Variants in CLUAP1 observed in about 807,000 individuals in gnomAD.
CLUAP1 encodes the protein intraflagellar transport 38.
A neutral mutation model predicts 55.0 loss-of-function variants in CLUAP1; 50 were observed. The ratio of observed to expected loss-of-function variants is 0.91; its 90% CI spans 0.72 to 1.15. CLUAP1 has a LOEUF of 1.15. Among genes scored for constraint, CLUAP1 ranks in the 50% most tolerant of loss-of-function variants. CLUAP1 has a pLI of 0.00. For synonymous variants in CLUAP1, 195 were observed against 175.4 expected, an observed-to-expected ratio of 1.11 and a Z score of -0.88; for missense variants, 530 against 507.6, an observed-to-expected ratio of 1.04 and a Z score of -0.42.
chr16:3,527,979 G>A (rs903502874), intron 9 of CLUAP1, among the ~76,000 whole-genome samples: 11 of 152,236 alleles, frequency 7.2e-5, no homozygotes, highest in African/African-American at 2.4e-4. Flanking sequence ...CAGTCTCCAC[G>A]TCTTCGTGGT....
At chr16:3,533,177 ATG>A in intron 11 of CLUAP1, 1 of 1,533,102 alleles carries the variant, frequency 6.5e-7, no homozygotes, top group Non-Finnish European at 8.7e-7. Context: ...GTTCTGCCTC[ATG>A]TGTTTGTGGG....
chr16:3,500,835 T>C (rs1265583149), upstream of CLUAP1: 13 of 573,044 alleles, frequency 2.3e-5, no homozygotes, highest in Non-Finnish European at 4.0e-5. Context: ...GCAGCCCTCA[T>C]AGACGCCGGT....
chr16:3,501,084 T>G lies in CLUAP1; in HGVS notation c.17T>G (p.Leu6Arg), dbSNP rs534333509. Reference protein sequence around the residue: MSFRDLRNFTEMMRAL... With the variant: MSFRDRRNFTEMMRAL... ...CTGAGCGTTATGTCTTTCCGCGACCTCCGCAGTAAGGCAGCCCCGCGCCCC... is the reference window on the plus strand; with the variant it reads ...CTGAGCGTTATGTCTTTCCGCGACCGCCGCAGTAAGGCAGCCCCGCGCCCC... Residue 6 changes from leucine (L) to arginine (R), a missense_variant, in exon 1 of 12, where the codon CTC (leucine) becomes CGC (arginine). Transcript: ENST00000576634. 2.3e-5 allele frequency: 37 copies of G among 1,597,384 alleles called. No homozygotes were observed. In the East Asian group the frequency reaches 5.4e-4, roughly 23 times the overall value.
intron 8 of CLUAP1, among the ~76,000 whole-genome samples, chr16:3,524,109 G>A (rs1347165857): frequency 6.6e-6 from 1 of 151,404 alleles, no homozygotes; most frequent in Non-Finnish European, 1.5e-5. Context: ...GACCAGTTTG[G>A]GCAGCATAAT....
chr16:3,520,013 A>G lies in CLUAP1; in HGVS notation c.690A>G (p.Arg230=). 6.2e-7 allele frequency: 1 copy of G among 1,612,932 alleles called. No individual in the cohort carries two copies. The highest frequency in any genetic ancestry group is 1.3e-5 in the African/African-American group (1 of 74,902). Residue 230 remains arginine, a synonymous_variant, in exon 7 of 12, where the codon CGA becomes CGG. Transcript: ENST00000576634. ...TAGAACTGGAAAGAAATCGGAAGCG[A>G]CTAGAGACTCTGCAGAGTGTCAGGT... is the stretch of plus-strand genomic sequence containing the variant. ...RKLELERNRK[R]LETLQSVRPC...
chr16:3,530,452 C>A (rs1015289425), intron 9 of CLUAP1, 116 bp from the exon 10 acceptor site: 1 of 716,650 alleles, frequency 1.4e-6, no homozygotes, highest in Non-Finnish European at 2.5e-6. Context: ...GTCTTAATTT[C>A]CTGGATAGAA....
At chr16:3,529,592 T>A (rs1294932179) in intron 9 of CLUAP1, among the ~76,000 whole-genome samples, 13 of 41,188 alleles carry the variant, frequency 3.2e-4, no homozygotes, top group African/African-American at 9.0e-4. Context: ...ATATTATATA[T>A]TATTATATAT....
chr16:3,500,871 T>C (rs575373313), upstream of CLUAP1: 6 of 606,212 alleles, frequency 9.9e-6, no homozygotes, highest in African/African-American at 7.5e-5. Context: ...GCCCTCGGCG[T>C]CTCAGGAGCG....
In CLUAP1 at chr16:3,529,243, A is replaced by C. The variant is rs187444435; in HGVS notation, c.929-1325A>C. Among the ~76,000 whole-genome samples the C allele has an allele frequency of 1.8e-3, 276 of 150,298 alleles. 3 individuals carry two copies. Among genetic ancestry groups the C allele is most frequent in the African/African-American group, 6.0e-3 (245 of 40,820 alleles). ...TCAACATAGTACTTGGTATGTGGCA[A>C]ATTCAAGTTTTGCTTTTTGGAACTT... On this transcript the variant is annotated intron_variant, in intron 9 of 11. Coordinates refer to ENST00000576634, the MANE Select transcript of CLUAP1 (RefSeq NM_015041.3).
chr16:3,496,873 CTTT>C (rs369156559), upstream of CLUAP1: 519 of 244,892 alleles, frequency 2.1e-3, no homozygotes, highest in Middle Eastern at 9.4e-3. Context: ...TTTTTCTTTT[CTTT>C]TTTTTTTTTT....
At chr16:3,532,051 C>T (rs1311964502) in intron 10 of CLUAP1, among the ~76,000 whole-genome samples, 1 of 152,124 alleles carries the variant, frequency 6.6e-6, no homozygotes, top group Non-Finnish European at 1.5e-5. Context: ...GTTGGCCAGG[C>T]TGGTCTCGAA....
chr16:3,522,698 G>T (rs1348265041), intron 7 of CLUAP1, among the ~76,000 whole-genome samples: 2 of 152,060 alleles, frequency 1.3e-5, no homozygotes, highest in Non-Finnish European at 2.9e-5. Context: ...TTACAGGTGT[G>T]AGCCGATGCA....
chr16:3,517,817 G>T (rs2037757669), intron 6 of CLUAP1, among the ~76,000 whole-genome samples: 1 of 152,152 alleles, frequency 6.6e-6, no homozygotes, highest in African/African-American at 2.4e-5. Flanking sequence ...CGGATTGAGG[G>T]GCATTCTACA....
At chr16:3,525,280 C>T (rs1392291836) in intron 8 of CLUAP1, among the ~76,000 whole-genome samples, 3 of 152,132 alleles carry the variant, frequency 2.0e-5, no homozygotes. Context: ...TTTGTATTAT[C>T]TGGGGCCACC....
At chr16:3,501,719 G>T (rs1193409668) in intron 1 of CLUAP1, among the ~76,000 whole-genome samples, 2 of 151,924 alleles carry the variant, frequency 1.3e-5, no homozygotes, top group African/African-American at 4.8e-5. Flanking sequence ...GCGGTGAGCC[G>T]AGATCGGGCC....
chr16:3,504,983 T>C (rs1389229149), intron 2 of CLUAP1, 152 bp downstream of exon 2: 1 of 631,562 alleles, frequency 1.6e-6, no homozygotes, highest in Non-Finnish European at 2.9e-6. Context: ...GAGTTGTGGC[T>C]GGGCACAGTG....
chr16:3,528,006 C>T (rs1465909820), intron 9 of CLUAP1, among the ~76,000 whole-genome samples: 2 of 152,150 alleles, frequency 1.3e-5, no homozygotes, highest in African/African-American at 2.4e-5. Flanking sequence ...CCCCCAAGCC[C>T]GGCTGTCTTT....
chr16:3,503,351 G>A (rs1354491899), intron 1 of CLUAP1, among the ~76,000 whole-genome samples: 2 of 152,134 alleles, frequency 1.3e-5, no homozygotes, highest in African/African-American at 4.8e-5. Context: ...TTTTAGTAGA[G>A]ACGGGGTTTC....
chr16:3,495,936 C>T, the CLUAP1 span, among the ~76,000 whole-genome samples: 2 of 152,018 alleles, frequency 1.3e-5, no homozygotes, highest in African/African-American at 2.4e-5. Flanking sequence ...GTCAGGAGAT[C>T]GAGACCATCC....
Sources: allele counts gnomAD v4.1 joint callset (sites outside exome capture counted in the v4.1 genomes callset), GRCh38; gene constraint gnomAD v4.1.1; transcripts MANE v1.5; gene names NCBI Gene and HGNC (gene_info 2026-07-23, HGNC 2026-07-21).